RGS8: variants seen among roughly 807,000 people sequenced by gnomAD.
The protein encoded by RGS8 is regulator of G-protein signaling 8.
RGS8 carries 8 observed loss-of-function variants against 21.7 expected under a neutral mutation model. The observed-to-expected ratio is 0.37, with a 90% confidence interval of 0.22 to 0.66. RGS8 has a LOEUF of 0.66. Ranked by LOEUF, RGS8 falls within the 30% of genes least tolerant of loss-of-function variation. The pLI, the probability that RGS8 is intolerant of heterozygous loss-of-function variation, is 0.59. For synonymous variants in RGS8, 80 were observed against 83.6 expected (o/e 0.96, Z 0.24); for missense variants, 157 against 217.9 (o/e 0.72, Z 1.76).
At chr1:182,712,368 G>A in the RGS8 span, among the ~76,000 whole-genome samples, 4 of 152,168 alleles carry the variant, frequency 2.6e-5, no homozygotes, top group African/African-American at 9.7e-5. Context: ...GTCATACAGA[G>A]CCCAGACCCT....
chr1:182,656,158 G>T (rs1663266571), intron 5 of RGS8, among the ~76,000 whole-genome samples: 1 of 152,236 alleles, frequency 6.6e-6, no homozygotes, highest in African/African-American at 2.4e-5. Context: ...GACATGGAGA[G>T]TTACTTTGTA....
intron 3 of RGS8, among the ~76,000 whole-genome samples, chr1:182,669,261 C>T (rs543979878): frequency 5.4e-4 from 82 of 152,244 alleles, no homozygotes; most frequent in African/African-American, 1.9e-3. Flanking sequence ...TTAAAAATAA[C>T]GAGGCTTTCC....
the RGS8 span, among the ~76,000 whole-genome samples, chr1:182,707,896 C>G: frequency 6.6e-6 from 1 of 151,994 alleles, no homozygotes; most frequent in Non-Finnish European, 1.5e-5. Context: ...TTAGTAGAGA[C>G]AGGGTTTCAC....
At chr1:182,662,631 T>C (rs1381777605) in intron 5 of RGS8, among the ~76,000 whole-genome samples, 1 of 152,218 alleles carries the variant, frequency 6.6e-6, no homozygotes, top group Non-Finnish European at 1.5e-5. Flanking sequence ...CCAGATCAGT[T>C]AGGTCTTCTA....
downstream of RGS8, chr1:182,642,146 T>A (rs1662494692): frequency 6.6e-6 from 1 of 152,276 alleles, no homozygotes; most frequent in South Asian, 2.1e-4. Flanking sequence ...AGTGGCCCCA[T>A]CCTGAAATCT....
chr1:182,735,479 CA>C, the RGS8 span, among the ~76,000 whole-genome samples: 3 of 151,664 alleles, frequency 2.0e-5, no homozygotes, highest in Admixed American at 1.3e-4. Context: ...TTTACAGCTC[CA>C]AAAAAAATGA....
chr1:182,717,284 A>T, the RGS8 span, among the ~76,000 whole-genome samples: 1 of 152,222 alleles, frequency 6.6e-6, no homozygotes, highest in African/African-American at 2.4e-5. Context: ...ACCTCAACAG[A>T]AGGAGAAAAC....
chr1:182,676,702 A>G (rs142081772), upstream of RGS8, among the ~76,000 whole-genome samples: 1,670 of 152,358 alleles, frequency 0.011, 31 homozygotes, highest in African/African-American at 0.038. Context: ...AAAAGTCAGC[A>G]GCTGAAGCTG....
At chr1:182,692,468 C>T in the RGS8 span, among the ~76,000 whole-genome samples, 1 of 151,776 alleles carries the variant, frequency 6.6e-6, no homozygotes, top group Non-Finnish European at 1.5e-5. Context: ...TGAAAGAAAT[C>T]ATAGATGATA....
At chr1:182,713,775 G>A in the RGS8 span, among the ~76,000 whole-genome samples, 1 of 152,156 alleles carries the variant, frequency 6.6e-6, no homozygotes, top group Admixed American at 6.5e-5. Context: ...CCCATGGTAC[G>A]CATACACGCC....
intron 5 of RGS8, among the ~76,000 whole-genome samples, chr1:182,664,812 C>A (rs973454957): frequency 6.6e-6 from 1 of 152,144 alleles, no homozygotes; most frequent in Non-Finnish European, 1.5e-5. Context: ...TGTACTTATT[C>A]TTAGATTTTG....
At chr1:182,732,301 A>ACACACACACACC in the RGS8 span, among the ~76,000 whole-genome samples, 179 of 150,634 alleles carry the variant, frequency 1.2e-3, no homozygotes, top group Middle Eastern at 6.8e-3. Context: ...ACACACACAC[A>ACACACACACACC]CCCACTGTAG....
At chr1:182,750,658 T>C in the RGS8 span, among the ~76,000 whole-genome samples, 3 of 152,218 alleles carry the variant, frequency 2.0e-5, no homozygotes, top group African/African-American at 7.2e-5. Flanking sequence ...CCAATAAATG[T>C]AGACTTTTAA....
the RGS8 span, among the ~76,000 whole-genome samples, chr1:182,726,820 T>G: frequency 6.6e-6 from 1 of 152,172 alleles, no homozygotes. Context: ...AAACCCATGA[T>G]GGAAGCTAGC....
the RGS8 span, among the ~76,000 whole-genome samples, chr1:182,704,323 T>A: frequency 6.6e-6 from 1 of 151,614 alleles, no homozygotes; most frequent in South Asian, 2.1e-4. Flanking sequence ...TGTTGAAGAG[T>A]TCATCACTGA....
chr1:182,739,385 C>T, the RGS8 span, among the ~76,000 whole-genome samples: 1 of 152,188 alleles, frequency 6.6e-6, no homozygotes, highest in African/African-American at 2.4e-5. Context: ...TCATCCCCAA[C>T]AGTGTCACTG....
At chr1:182,681,224 C>T (rs975495993) in intron 1 of RGS8, among the ~76,000 whole-genome samples, 4 of 152,094 alleles carry the variant, frequency 2.6e-5, no homozygotes, top group Non-Finnish European at 1.5e-5. Context: ...ATGTAGTTTT[C>T]AAAGCCATGG....
the RGS8 span, among the ~76,000 whole-genome samples, chr1:182,741,240 A>T: frequency 7.5e-6 from 1 of 133,918 alleles, no homozygotes; most frequent in South Asian, 2.4e-4. Context: ...GGGGCTCCTC[A>T]CTTCCCAGTA....
At chr1:182,727,595 AG>A in the RGS8 span, among the ~76,000 whole-genome samples, 1 of 152,204 alleles carries the variant, frequency 6.6e-6, no homozygotes, top group Non-Finnish European at 1.5e-5. Context: ...CCGTTCCGAA[AG>A]GTTACTTTGC....
Sources: allele counts gnomAD v4.1 joint callset (sites outside exome capture counted in the v4.1 genomes callset), GRCh38; gene constraint gnomAD v4.1.1; transcripts MANE v1.5; gene names NCBI Gene and HGNC (gene_info 2026-07-23, HGNC 2026-07-21).